Variants in INTS9 observed in about 807,000 individuals in gnomAD.
INTS9 encodes protein related to CPSF subunits of 74 kDa.
In INTS9, 55 loss-of-function variants were observed where a neutral mutation model predicts 79.7. The observed-to-expected ratio is 0.69, with a 90% confidence interval of 0.56 to 0.86. The LOEUF is 0.86. INTS9 is among the 40% of genes least tolerant of loss of function. The probability of loss-of-function intolerance (pLI) is 0.00; values close to 1 mark genes in which losing one functional copy is unlikely to be tolerated. For missense variants in INTS9, 721 were observed against 831.5 expected (o/e 0.87, Z 1.64); for synonymous variants, 319 against 325.2 (o/e 0.98, Z 0.20).
chr8:28,810,955 C>G (rs1805078247), intron 8 of INTS9, among the ~76,000 whole-genome samples: 1 of 152,182 alleles, frequency 6.6e-6, no homozygotes, highest in Admixed American at 6.5e-5. Context: ...GTCTGCCACT[C>G]TCTTGGACCT....
intron 4 of INTS9, among the ~76,000 whole-genome samples, chr8:28,846,369 C>CTCGCATTGGCTAAATAA (rs67398226): frequency 2.6e-5 from 4 of 152,036 alleles, no homozygotes; most frequent in Non-Finnish European, 5.9e-5. Context: ...TTACAGTTTA[C>CTCGCATTGGCTAAATAA]TAGCAATTGT....
rs1802342552 is a variant in INTS9, at chr8:28,768,559, G to GTTCT, written c.1801-241_1801-238dup. On this transcript the variant is annotated intron_variant, in intron 16 of 16. Transcript: ENST00000521022. Reference sequence around the variant, plus strand: ...CCACAACCTGGCTAAGCTTTTGTGAGTTCTTTGAGGGCACGTCCAAGCACT... The same window carrying GTTCT: ...CCACAACCTGGCTAAGCTTTTGTGAGTTCTTTCTTTGAGGGCACGTCCAAGCACT... Among the ~76,000 whole-genome samples the GTTCT allele has an allele frequency of 3.3e-5, 5 of 152,212 alleles. No homozygotes were observed. In the South Asian group the frequency reaches 1.0e-3, roughly 32 times the overall value.
intron 1 of INTS9, among the ~76,000 whole-genome samples, chr8:28,874,465 AT>A (rs537482873): frequency 3.3e-5 from 5 of 149,448 alleles, no homozygotes; most frequent in Non-Finnish European, 4.5e-5. Context: ...AATTTTTTGT[AT>A]TTTTTTTTAG....
intron 1 of INTS9, among the ~76,000 whole-genome samples, chr8:28,878,820 A>C (rs1324855065): frequency 6.6e-6 from 1 of 151,966 alleles, no homozygotes; most frequent in East Asian, 1.9e-4. Flanking sequence ...TCTCTACTAA[A>C]AATACAAAAA....
At chr8:28,824,516 A>G (rs1412594120) in intron 6 of INTS9, among the ~76,000 whole-genome samples, 3 of 152,148 alleles carry the variant, frequency 2.0e-5, no homozygotes, top group African/African-American at 7.2e-5. Context: ...CTTAAAACCT[A>G]AACACACTTG....
Position 28,857,722 on chromosome 8 carries a change from A to G in INTS9, c.137+1714T>C, listed in dbSNP as rs114079467. On this transcript the variant is annotated intron_variant, in intron 2 of 16. Coordinates refer to ENST00000521022, the MANE Select transcript of INTS9 (RefSeq NM_018250.4). ...TACTGAGTAGCTACCACATGCCAAGAATAGTTCTAGGCAGTGGGGATACAA... is the reference window on the plus strand; with the variant it reads ...TACTGAGTAGCTACCACATGCCAAGGATAGTTCTAGGCAGTGGGGATACAA... Among the ~76,000 whole-genome samples the G allele has an allele frequency of 3.9e-3, 589 of 152,338 alleles. 3 individuals are homozygous for G. The highest frequency in any genetic ancestry group is 0.013 in the African/African-American group (559 of 41,586).
chr8:28,773,388 T>C (rs1245459997), intron 14 of INTS9, among the ~76,000 whole-genome samples: 2 of 141,196 alleles, frequency 1.4e-5, no homozygotes, highest in Admixed American at 7.4e-5. Context: ...GGCATGAAGC[T>C]GGGAGGCGGA....
In INTS9 at chr8:28,780,984, G is replaced by A. The variant is rs1803228496; in HGVS notation, c.1109C>T (p.Thr370Ile). The change falls in exon 12 of 17, where the codon ACC becomes ATC. Residue 370 changes from threonine to isoleucine, a missense_variant. Physicochemically the swap from Thr to Ile is moderately conservative, Grantham distance 89. Coordinates refer to ENST00000521022, the MANE Select transcript of INTS9 (RefSeq NM_018250.4). ...PPFPHAELIQ[T>I]NKLKHYPSIH... ...GCTGGGGTAGTGCTTCAGCTTATTG[G>A]TCTGAATGAGCTGGAAAATATAGAA... 1 of 1,613,382 alleles carries A rather than the reference G, an allele frequency of 6.2e-7. No individual in the cohort carries two copies. The highest frequency in any genetic ancestry group is 2.2e-5 in the East Asian group (1 of 44,876).
chr8:28,801,862 C>T (rs1804547089), intron 8 of INTS9, among the ~76,000 whole-genome samples: 1 of 152,184 alleles, frequency 6.6e-6, no homozygotes, highest in Non-Finnish European at 1.5e-5. Context: ...ATCCTCCTGC[C>T]TCGACCTCCC....
chr8:28,871,345 T>C (rs370431205), intron 1 of INTS9, among the ~76,000 whole-genome samples: 15 of 152,354 alleles, frequency 9.8e-5, no homozygotes, highest in African/African-American at 3.4e-4. Flanking sequence ...ATCTTTATTA[T>C]GGAATCTGAG....
At chr8:28,827,755 CTT>C (rs1806236230) in intron 6 of INTS9, among the ~76,000 whole-genome samples, 1 of 152,184 alleles carries the variant, frequency 6.6e-6, no homozygotes, top group East Asian at 1.9e-4. Flanking sequence ...AGGAACGACT[CTT>C]GAGAGCAACT....
intron 3 of INTS9, among the ~76,000 whole-genome samples, chr8:28,847,303 T>G (rs535495462): frequency 6.6e-6 from 1 of 152,242 alleles, no homozygotes; most frequent in African/African-American, 2.4e-5. Flanking sequence ...CTACATAAAC[T>G]GTTTAGAAGC....
intron 4 of INTS9, among the ~76,000 whole-genome samples, chr8:28,844,706 C>T (rs1807401594): frequency 6.6e-6 from 1 of 152,038 alleles, no homozygotes; most frequent in Non-Finnish European, 1.5e-5. Flanking sequence ...ATCCCAGCTA[C>T]TCGGGAGGCT....
At position 28,835,284 on chromosome 8, in the gene INTS9, T is replaced by C. The variant is rs1307995755; in HGVS notation, c.488+8A>G. 1 of 1,608,200 alleles carries C rather than the reference T, an allele frequency of 6.2e-7. No homozygotes were observed. The highest frequency in any genetic ancestry group is 1.1e-5 in the South Asian group (1 of 90,812). On this transcript the variant is annotated splice_region_variant and intron_variant, in intron 6 of 16. Coordinates refer to ENST00000521022, the MANE Select transcript of INTS9 (RefSeq NM_018250.4). ...AGTCTCTCGGTAAGAGAGTGGTCTG[T>C]TCCTCACCTCTGAATGTCCTTATTC...
intron 13 of INTS9, among the ~76,000 whole-genome samples, chr8:28,776,952 C>T (rs187352613): frequency 6.6e-6 from 1 of 152,340 alleles, no homozygotes; most frequent in African/African-American, 2.4e-5. Context: ...TCACTGTAGA[C>T]AGGCCCCACG....
chr8:28,837,446 T>C (rs771871016), intron 5 of INTS9, among the ~76,000 whole-genome samples, 191 bp downstream of exon 5: 4 of 152,226 alleles, frequency 2.6e-5, no homozygotes, highest in Non-Finnish European at 5.9e-5. Context: ...ACAAGACTAC[T>C]TGCACCATCA....
At chr8:28,839,066 C>T (rs920732129) in intron 4 of INTS9, among the ~76,000 whole-genome samples, 3 of 152,094 alleles carry the variant, frequency 2.0e-5, no homozygotes, top group South Asian at 2.1e-4. Context: ...GGGAAATATA[C>T]GGTGCACTAA....
At chr8:28,801,490 A>AAAAC (rs1188832374) in intron 8 of INTS9, among the ~76,000 whole-genome samples, 1 of 98,726 alleles carries the variant, frequency 1.0e-5, no homozygotes, top group African/African-American at 3.7e-5. Context: ...ACTCTGTCTC[A>AAAAC]AAACAAACAA....
chr8:28,777,537 T>C (rs1017313253), intron 13 of INTS9, among the ~76,000 whole-genome samples: 2 of 142,772 alleles, frequency 1.4e-5, no homozygotes, highest in Admixed American at 7.0e-5. Context: ...GTTTCTAGAA[T>C]GACTTTTTTT....
Sources: allele counts gnomAD v4.1 joint callset (sites outside exome capture counted in the v4.1 genomes callset), GRCh38; gene constraint gnomAD v4.1.1; transcripts MANE v1.5; gene names NCBI Gene and HGNC (gene_info 2026-07-23, HGNC 2026-07-21).